Variants in RUFY3 observed in about 807,000 individuals in gnomAD.
The protein encoded by RUFY3 is RUN and FYVE domain containing 3.
In RUFY3, 34 loss-of-function variants were observed where a neutral mutation model predicts 84.0. The ratio of observed to expected loss-of-function variants is 0.40; its 90% CI spans 0.31 to 0.54. The LOEUF (loss-of-function observed/expected upper bound fraction) is 0.54, where lower values mean the gene tolerates loss of function less well. Among genes scored for constraint, RUFY3 ranks in the 20% least tolerant of loss-of-function variants. The pLI is 0.39. For missense variants in RUFY3, 507 were observed against 736.8 expected (o/e 0.69, Z 3.61); for synonymous variants, 242 against 252.9 (o/e 0.96, Z 0.41).
chr4:70,724,169 G>GT (rs1273153026), intron 1 of RUFY3, among the ~76,000 whole-genome samples: 1 of 151,770 alleles, frequency 6.6e-6, no homozygotes, highest in Non-Finnish European at 1.5e-5. Context: ...TCAAAACATC[G>GT]TTACATCCAA....
At chr4:70,711,949 G>A (rs994307478) in intron 1 of RUFY3, among the ~76,000 whole-genome samples, 1 of 152,008 alleles carries the variant, frequency 6.6e-6, no homozygotes, top group African/African-American at 2.4e-5. Flanking sequence ...TATTCTTCTG[G>A]CCTGGCATTA....
At position 70,807,665 on chromosome 4, in the gene RUFY3, T is replaced by A. The variant is rs1732972064; in HGVS notation, c.*1006T>A. ...GCCTCCCAAGTAGCTGGGACTGGCT[T>A]TTTTTTTTTTTTTTTGGCCGGGGAG... On this transcript the variant is annotated 3_prime_UTR_variant, in exon 18 of 18. Coordinates refer to ENST00000381006, the MANE Select transcript of RUFY3 (RefSeq NM_001037442.4). Among the ~76,000 whole-genome samples, 1 of 141,468 alleles carries A rather than the reference T, an allele frequency of 7.1e-6. No individual in the cohort carries two copies. Among genetic ancestry groups the A allele is most frequent in the African/African-American group, 2.8e-5 (1 of 36,054 alleles). The allele number at this position is 141,468 out of a possible 152,430, so 92.8% of individuals were successfully genotyped here. A position where few individuals can be genotyped will look rare whatever the true frequency, so the allele number is the denominator to read the frequency against.
chr4:70,748,181 A>C (rs781486341), intron 1 of RUFY3, among the ~76,000 whole-genome samples: 121 of 152,324 alleles, frequency 7.9e-4, no homozygotes, highest in Non-Finnish European at 1.6e-3. Flanking sequence ...TCAAAACTAC[A>C]GTGGTTCCCA....
chr4:70,752,946 A>G (rs191780787), intron 1 of RUFY3, among the ~76,000 whole-genome samples: 73 of 152,304 alleles, frequency 4.8e-4, no homozygotes, highest in Non-Finnish European at 9.7e-4. Flanking sequence ...TCTCTCTTCT[A>G]ATTTTTGGAA....
intron 12 of RUFY3, 163 bp from the exon 13 acceptor site, chr4:70,793,622 T>C: frequency 6.7e-7 from 1 of 1,488,296 alleles, no homozygotes; most frequent in Non-Finnish European, 8.9e-7. Flanking sequence ...TCTCCATCTT[T>C]TCCCCCCCAT....
At chr4:70,711,063 G>GAAAA (rs1162338308) in intron 1 of RUFY3, among the ~76,000 whole-genome samples, 1 of 85,478 alleles carries the variant, frequency 1.2e-5, no homozygotes, top group African/African-American at 7.1e-5. Flanking sequence ...GACTCCGTCT[G>GAAAA]GAAAAAAAAA....
intron 1 of RUFY3, among the ~76,000 whole-genome samples, chr4:70,727,626 G>C (rs1466928323): frequency 6.7e-6 from 1 of 150,372 alleles, no homozygotes. Flanking sequence ...AAAGTGCTGG[G>C]ATTACAAAAA....
In RUFY3 at chr4:70,789,501, G is replaced by C. The variant is rs1468629419; in HGVS notation, c.1246G>C (p.Asp416His). 6 of 1,611,540 alleles carry C rather than the reference G, an allele frequency of 3.7e-6. No homozygotes were observed. Residue 416 changes from aspartate (D) to histidine (H), a missense_variant, in exon 12 of 18, where the codon GAC becomes CAC. Transcript: ENST00000381006. ...HELAFKLQSS[D>H]LGVKQKSELN... ...TCGTTATTTTCCATAACAGAGTTCA[G>C]ACTTAGGAGTAAAACAGAAAAGTGA...
intron 1 of RUFY3, among the ~76,000 whole-genome samples, chr4:70,716,682 A>G (rs1224977006): frequency 6.6e-6 from 1 of 151,840 alleles, no homozygotes; most frequent in African/African-American, 2.4e-5. Context: ...CATCTCTACT[A>G]AAAATACAAA....
chr4:70,774,614 CAAAAAAAAAAAAAAAA>C (rs1172638290), intron 6 of RUFY3, among the ~76,000 whole-genome samples: 2 of 22,090 alleles, frequency 9.1e-5, no homozygotes, highest in African/African-American at 2.1e-4. Flanking sequence ...GACTCTGCCT[CAAAAAAAAAAAAAAAA>C]AAAAAAAAAA....
intron 1 of RUFY3, among the ~76,000 whole-genome samples, chr4:70,738,980 G>T (rs1041214485): frequency 3.3e-5 from 5 of 151,832 alleles, no homozygotes; most frequent in African/African-American, 9.7e-5. Context: ...CTTCCAAAGT[G>T]CTGGGATTAC....
chr4:70,760,554 A>G (rs74955000), intron 1 of RUFY3, among the ~76,000 whole-genome samples: 5,329 of 138,064 alleles, frequency 0.039, 246 homozygotes, highest in East Asian at 0.21. Context: ...CCCCAGCTCT[A>G]TTTTTTTTTT....
At chr4:70,738,356 CTT>C (rs60916183) in intron 1 of RUFY3, among the ~76,000 whole-genome samples, 1,586 of 60,526 alleles carry the variant, frequency 0.026, 9 homozygotes, top group African/African-American at 0.061. Context: ...GGTGTTTCAT[CTT>C]TTTTTTTTTT....
At chr4:70,765,758 C>CTT (rs371482787) in intron 4 of RUFY3, among the ~76,000 whole-genome samples, 2,518 of 139,854 alleles carry the variant, frequency 0.018, 100 homozygotes, top group East Asian at 0.15. Context: ...TTGTTAATAT[C>CTT]TTTTTTTTTT....
At chr4:70,703,956 C>G (rs1739967784), upstream of RUFY3, 2 of 152,268 alleles carry the variant, frequency 1.3e-5, no homozygotes, top group South Asian at 4.2e-4. Flanking sequence ...GATAAAGAAC[C>G]ATGAGAGTAA....
chr4:70,781,838 T>TAAG (rs1347304179), intron 8 of RUFY3, among the ~76,000 whole-genome samples: 1 of 152,200 alleles, frequency 6.6e-6, no homozygotes, highest in Non-Finnish European at 1.5e-5. Flanking sequence ...GGAGCCTGCT[T>TAAG]GGTTATTCCT....
intron 12 of RUFY3, chr4:70,789,803 T>TA (rs533346233): frequency 0.049 from 34,603 of 709,994 alleles, 2 homozygotes; most frequent in South Asian, 0.065. Flanking sequence ...GACTAGCCTT[T>TA]AAAAAAAAAA....
rs148897085 is a variant in RUFY3 at position 70,794,827 on chromosome 4, A to C, written c.1490A>C (p.Lys497Thr). The change falls in exon 14 of 18, where the codon AAA becomes ACA. Residue 497 changes from lysine (K) to threonine (T), a missense_variant. Transcript: ENST00000381006. ...CTTGAGTTAGAACTAAAACAGGAAAAAGAAAGAAGATTACAAAACGACAGG... is the reference window on the plus strand; with the variant it reads ...CTTGAGTTAGAACTAAAACAGGAAACAGAAAGAAGATTACAAAACGACAGG... Reference protein sequence around the residue: ...NQLELELKQEKERRLQNDRSI... With the variant: ...NQLELELKQETERRLQNDRSI... 5.0e-6 allele frequency: 8 copies of C among 1,613,138 alleles called. No individual in the cohort carries two copies. The African/African-American group carries it at 8.0e-5, about 16-fold the overall frequency.
chr4:70,705,207 A>AC lies in RUFY3; in HGVS notation c.275dup (p.Pro93AlafsTer30), dbSNP rs1356821452. On this transcript the variant is annotated frameshift_variant, in exon 1 of 12. Coordinates refer to the RUFY3 transcript ENST00000417478. LOFTEE classifies it high-confidence loss of function. ...GCCGCAGCAGCAGCGCTCCTGGAGGACCCCGCCGTCCCCCGGCTCACCGCT... is the reference window on the plus strand; with the variant it reads ...GCCGCAGCAGCAGCGCTCCTGGAGGACCCCCGCCGTCCCCCGGCTCACCGCT... 3.4e-6 allele frequency: 5 copies of AC among 1,459,898 alleles called. No individual in the cohort carries two copies. The East Asian group carries it at 1.2e-4, about 36-fold the overall frequency. The allele number at this position is 1,459,898 out of a possible 1,614,324, so 90.4% of individuals were successfully genotyped here. A position where few individuals can be genotyped will look rare whatever the true frequency, so the allele number is the denominator to read the frequency against.
Sources: gnomAD v4.1 joint callset for allele counts (sites outside exome capture counted in the v4.1 genomes callset) on GRCh38, gnomAD v4.1.1 for gene constraint, MANE v1.5 for transcripts, NCBI Gene and HGNC (gene_info 2026-07-23, HGNC 2026-07-21) for gene names.